Variants in NCAM1 observed in about 807,000 individuals in gnomAD.
NCAM1 encodes antigen recognized by monoclonal antibody 5.1H11.
A neutral mutation model predicts 109.8 loss-of-function variants in NCAM1; 14 were observed. The ratio of observed to expected loss-of-function variants is 0.13; its 90% CI spans 0.08 to 0.20. The LOEUF is 0.20. Among genes scored for constraint, NCAM1 ranks in the 10% least tolerant of loss-of-function variants. NCAM1 has a pLI of 1.00. For synonymous variants in NCAM1, 418 were observed against 442.9 expected (o/e 0.94, Z 0.70); for missense variants, 774 against 1,109.9 (o/e 0.70, Z 4.30).
chr11:113,236,368 A>T, intron 14 of NCAM1: 1 of 1,587,230 alleles, frequency 6.3e-7, no homozygotes, highest in Non-Finnish European at 8.7e-7. Flanking sequence ...AACATCTGCT[A>T]GTTCTAGTTC....
At chr11:113,148,739 G>GT (rs2136249527) in intron 1 of NCAM1, among the ~76,000 whole-genome samples, 1 of 152,284 alleles carries the variant, frequency 6.6e-6, no homozygotes, top group Admixed American at 6.5e-5. Context: ...TCCTGCAGTA[G>GT]TTTTGGGTGG....
At chr11:113,077,804 A>C (rs2135635309) in intron 1 of NCAM1, among the ~76,000 whole-genome samples, 1 of 151,558 alleles carries the variant, frequency 6.6e-6, no homozygotes, top group South Asian at 2.1e-4. Flanking sequence ...CTCCTGTCTC[A>C]GCCTCCTGAG....
intron 1 of NCAM1, among the ~76,000 whole-genome samples, chr11:113,009,152 G>GT (rs1466964657): frequency 6.6e-6 from 1 of 151,838 alleles, no homozygotes; most frequent in East Asian, 1.9e-4. Flanking sequence ...ATCTCAATTC[G>GT]TTTTTTTCTT....
Position 113,278,012 on chromosome 11 carries a change from G to A in NCAM1, c.*2625G>A, listed in dbSNP as rs1555127039. 1 of 152,032 alleles carries A rather than the reference G, an allele frequency of 6.6e-6. No homozygotes were observed. Among genetic ancestry groups the A allele is most frequent in the Non-Finnish European group, 1.5e-5 (1 of 68,014 alleles). The allele number at this position is 152,032 out of a possible 1,614,324, so 9.4% of individuals were successfully genotyped here. A position where few individuals can be genotyped will look rare whatever the true frequency, so the allele number is the denominator to read the frequency against. The stretch of plus-strand genomic sequence containing the variant: ...ATCAACTCCAGTTTCCAATGTCTAT[G>A]TGTCTATGTGTGTATGTGCCATACA... On this transcript the variant is annotated 3_prime_UTR_variant, in exon 20 of 20. Transcript: ENST00000316851.
At chr11:113,213,335 A>G (rs565168675) in intron 7 of NCAM1, among the ~76,000 whole-genome samples, 1 of 152,300 alleles carries the variant, frequency 6.6e-6, no homozygotes, top group Non-Finnish European at 1.5e-5. Flanking sequence ...AAGTTCAGCA[A>G]TTTCAGAGCA....
At chr11:112,985,074 A>G (rs1254746046) in intron 1 of NCAM1, among the ~76,000 whole-genome samples, 1 of 151,816 alleles carries the variant, frequency 6.6e-6, no homozygotes, top group Non-Finnish European at 1.5e-5. Context: ...GTGTAAGATA[A>G]GTATCCAATT....
intron 14 of NCAM1, chr11:113,236,209 T>A: frequency 7.8e-7 from 1 of 1,283,360 alleles, no homozygotes; most frequent in Non-Finnish European, 1.1e-6. Context: ...GCTCTGCGGA[T>A]TCTATTCATT....
rs1952910742 is a variant in NCAM1, at chr11:113,037,053, A to G, written c.52+75389A>G. Among the ~76,000 whole-genome samples the G allele has an allele frequency of 2.0e-5, 3 of 152,140 alleles. No homozygotes were observed. In the South Asian group the frequency reaches 6.2e-4, roughly 32 times the overall value. Reference sequence around the variant, plus strand: ...ACGACTTCCAAACTTATCTTTAGCTAGATCCTCCTCCTCCAGTCTTTATAT... The same window carrying G: ...ACGACTTCCAAACTTATCTTTAGCTGGATCCTCCTCCTCCAGTCTTTATAT... On this transcript the variant is annotated intron_variant, in intron 1 of 19. Transcript: ENST00000316851.
chr11:112,984,657 G>T (rs192205871), intron 1 of NCAM1, among the ~76,000 whole-genome samples: 13 of 151,968 alleles, frequency 8.6e-5, no homozygotes, highest in Non-Finnish European at 1.8e-4. Flanking sequence ...GCACTGTTGA[G>T]CACCTTTTTG....
chr11:113,013,011 G>T (rs1952110596), intron 1 of NCAM1, among the ~76,000 whole-genome samples: 1 of 152,176 alleles, frequency 6.6e-6, no homozygotes, highest in Non-Finnish European at 1.5e-5. Context: ...TGGAGAGGGA[G>T]ACAAAATACA....
chr11:113,262,765 C>T (rs1307663233), intron 17 of NCAM1: 91 of 1,471,388 alleles, frequency 6.2e-5, no homozygotes, highest in Non-Finnish European at 7.6e-5. Context: ...TCACCTTGGA[C>T]GTCACTGGGA....
chr11:113,106,322 C>T (rs111884032), intron 1 of NCAM1, among the ~76,000 whole-genome samples: 2 of 152,134 alleles, frequency 1.3e-5, no homozygotes, highest in East Asian at 1.9e-4. Flanking sequence ...CTTCTGAGTT[C>T]GTGGCATTAT....
intron 1 of NCAM1, among the ~76,000 whole-genome samples, chr11:113,092,259 C>T (rs553240280): frequency 6.6e-6 from 1 of 152,236 alleles, no homozygotes; most frequent in African/African-American, 2.4e-5. Context: ...CTACATTTTA[C>T]ATATGAGCAA....
intron 1 of NCAM1, among the ~76,000 whole-genome samples, chr11:113,153,332 C>A (rs184550355): frequency 6.6e-6 from 1 of 152,028 alleles, no homozygotes; most frequent in South Asian, 2.1e-4. Flanking sequence ...TGAGCCACCA[C>A]GGTCAGCAGC....
chr11:113,025,780 AGAGAGAGAGAGAGAGAGAG>A (rs1555077161), intron 1 of NCAM1, among the ~76,000 whole-genome samples: 3 of 22,828 alleles, frequency 1.3e-4, no homozygotes, highest in African/African-American at 5.0e-4. Flanking sequence ...CAGGGAGCCG[AGAGAGAGAGAGAGAGAGAG>A]AGAGAGAGAG....
chr11:112,985,352 G>A (rs1289736345), intron 1 of NCAM1, among the ~76,000 whole-genome samples: 2 of 149,502 alleles, frequency 1.3e-5, no homozygotes, highest in African/African-American at 4.9e-5. Context: ...TGTTCTTATT[G>A]CTTAGGATTA....
chr11:113,268,956 G>A (rs1419693202), intron 17 of NCAM1, among the ~76,000 whole-genome samples: 1 of 152,210 alleles, frequency 6.6e-6, no homozygotes, highest in East Asian at 1.9e-4. Context: ...GGAAGCTTTA[G>A]ACATAGTCTA....
chr11:113,127,370 C>T (rs1941219669), intron 1 of NCAM1, among the ~76,000 whole-genome samples: 1 of 152,198 alleles, frequency 6.6e-6, no homozygotes, highest in Non-Finnish European at 1.5e-5. Context: ...AGCTAGAAGA[C>T]TGTGTACAGA....
chr11:113,025,766 G>A (rs1401258824), intron 1 of NCAM1, among the ~76,000 whole-genome samples: 4 of 133,682 alleles, frequency 3.0e-5, no homozygotes, highest in Non-Finnish European at 6.3e-5. Flanking sequence ...AGATTGGAAC[G>A]ACACAGGGAG....
Sources: allele counts gnomAD v4.1 joint callset (sites outside exome capture counted in the v4.1 genomes callset), GRCh38; gene constraint gnomAD v4.1.1; transcripts MANE v1.5; gene names NCBI Gene and HGNC (gene_info 2026-07-23, HGNC 2026-07-21).